KCNIP4: variants seen among roughly 807,000 people sequenced by gnomAD.
KCNIP4 encodes the protein Kv channel-interacting protein 4.
KCNIP4 carries 12 observed loss-of-function variants against 34.0 expected under a neutral mutation model. That is an observed-to-expected ratio of 0.35 (90% CI 0.23 to 0.57). The LOEUF (loss-of-function observed/expected upper bound fraction) is 0.57. Ranked by LOEUF, KCNIP4 falls within the 20% of genes least tolerant of loss-of-function variation. KCNIP4 has a pLI of 0.83. For synonymous variants in KCNIP4, 124 were observed against 102.2 expected, an observed-to-expected ratio of 1.21 and a Z score of -1.29; for missense variants, 238 against 311.7, an observed-to-expected ratio of 0.76 and a Z score of 1.78.
intron 1 of KCNIP4, among the ~76,000 whole-genome samples, chr4:21,218,016 T>C (rs903466198): frequency 6.6e-6 from 1 of 150,502 alleles, no homozygotes; most frequent in Admixed American, 6.6e-5. Context: ...TTTATTTATT[T>C]ATTATTATTA....
intron 1 of KCNIP4, among the ~76,000 whole-genome samples, chr4:21,790,973 A>G (rs1027038600): frequency 9.9e-6 from 1 of 100,894 alleles, no homozygotes; most frequent in Non-Finnish European, 1.8e-5. Context: ...ACTCCACAAA[A>G]AAAAAAAAAA....
At chr4:21,038,757 G>A (rs28621552) in intron 1 of KCNIP4, among the ~76,000 whole-genome samples, 1 of 152,150 alleles carries the variant, frequency 6.6e-6, no homozygotes, top group African/African-American at 2.4e-5. Context: ...AAATATCTAC[G>A]TTATGAGGAA....
At chr4:21,225,002 A>G (rs540798871) in intron 1 of KCNIP4, among the ~76,000 whole-genome samples, 1 of 152,332 alleles carries the variant, frequency 6.6e-6, no homozygotes, top group Non-Finnish European at 1.5e-5. Flanking sequence ...CTTGTGTTAC[A>G]TCATCTTGCT....
At chr4:20,732,318 C>T (rs998600150) in intron 7 of KCNIP4, among the ~76,000 whole-genome samples, 1 of 152,140 alleles carries the variant, frequency 6.6e-6, no homozygotes, top group Non-Finnish European at 1.5e-5. Context: ...AAAATCCCAC[C>T]TTCTAGATGT....
intron 5 of KCNIP4, among the ~76,000 whole-genome samples, chr4:20,743,317 T>C (rs1422154001): frequency 6.6e-6 from 1 of 152,092 alleles, no homozygotes; most frequent in Non-Finnish European, 1.5e-5. Context: ...GCCAAGTCAA[T>C]CCTAAGCCAA....
At chr4:20,979,591 G>T (rs374894901) in intron 1 of KCNIP4, among the ~76,000 whole-genome samples, 80 of 151,894 alleles carry the variant, frequency 5.3e-4, no homozygotes, top group African/African-American at 1.9e-3. Context: ...GTAGAGACAG[G>T]GTTTCACCGT....
intron 1 of KCNIP4, among the ~76,000 whole-genome samples, chr4:20,936,344 G>T (rs1265527321): frequency 1.3e-5 from 2 of 151,646 alleles, no homozygotes; most frequent in Non-Finnish European, 2.9e-5. Flanking sequence ...TAGAAAACGG[G>T]TTCATTTATT....
chr4:20,935,151 C>CT (rs1293195093), intron 1 of KCNIP4, among the ~76,000 whole-genome samples: 1 of 152,096 alleles, frequency 6.6e-6, no homozygotes, highest in Non-Finnish European at 1.5e-5. Flanking sequence ...TAAAGAGACT[C>CT]TATTTCCAAA....
intron 1 of KCNIP4, among the ~76,000 whole-genome samples, chr4:21,172,139 T>C (rs1754063297): frequency 6.6e-6 from 1 of 152,128 alleles, no homozygotes; most frequent in Admixed American, 6.5e-5. Context: ...GCAATTCTCC[T>C]GCCTCAGCCT....
intron 3 of KCNIP4, among the ~76,000 whole-genome samples, chr4:20,799,651 G>A (rs755516577): frequency 9.2e-5 from 14 of 152,158 alleles, no homozygotes; most frequent in Non-Finnish European, 1.5e-4. Context: ...TGCCATTCCT[G>A]AGTACTTGCT....
intron 1 of KCNIP4, among the ~76,000 whole-genome samples, chr4:21,720,568 C>T (rs1714751882): frequency 7.0e-6 from 1 of 143,372 alleles, no homozygotes; most frequent in African/African-American, 2.7e-5. Context: ...TTCTAGGGTA[C>T]ATGTGCACAA....
chr4:21,324,294 G>C (rs1223339797), intron 1 of KCNIP4, among the ~76,000 whole-genome samples: 1 of 151,876 alleles, frequency 6.6e-6, no homozygotes, highest in African/African-American at 2.4e-5. Flanking sequence ...GCCTGTGTTT[G>C]TGGTATATTC....
chr4:21,122,609 G>A (rs926826686), intron 1 of KCNIP4, among the ~76,000 whole-genome samples: 12 of 152,192 alleles, frequency 7.9e-5, no homozygotes, highest in African/African-American at 2.9e-4. Context: ...TTTGATATAT[G>A]TTGTTCCACA....
At chr4:21,484,622 G>A (rs1731756485) in intron 1 of KCNIP4, among the ~76,000 whole-genome samples, 1 of 152,078 alleles carries the variant, frequency 6.6e-6, no homozygotes, top group African/African-American at 2.4e-5. Context: ...CATTCCCGCA[G>A]CCTTTGATGC....
chr4:21,809,255 A>G (rs887555598), intron 1 of KCNIP4, among the ~76,000 whole-genome samples: 2 of 152,154 alleles, frequency 1.3e-5, no homozygotes, highest in South Asian at 2.1e-4. Context: ...TTCACTTTCT[A>G]TCTTGAGCTG....
chr4:21,779,020 G>C (rs919743027), intron 1 of KCNIP4, among the ~76,000 whole-genome samples: 7 of 151,974 alleles, frequency 4.6e-5, no homozygotes, highest in Non-Finnish European at 8.8e-5. Context: ...ATGAGAGAGA[G>C]AGAGAGAGAG....
intron 1 of KCNIP4, among the ~76,000 whole-genome samples, chr4:21,633,057 A>C (rs1560578343): frequency 6.6e-6 from 1 of 152,164 alleles, no homozygotes; most frequent in Non-Finnish European, 1.5e-5. Flanking sequence ...AATCTTTTTC[A>C]TAATTATTTG....
At chr4:21,329,277 C>T (rs1368805720) in intron 1 of KCNIP4, among the ~76,000 whole-genome samples, 1 of 152,068 alleles carries the variant, frequency 6.6e-6, no homozygotes, top group Non-Finnish European at 1.5e-5. Context: ...TATATACTTC[C>T]AAGAGGATAC....
At chr4:21,884,013 G>A (rs559871111) in intron 1 of KCNIP4, among the ~76,000 whole-genome samples, 42 of 152,186 alleles carry the variant, frequency 2.8e-4, no homozygotes, top group African/African-American at 8.9e-4. Context: ...GAACTCAAAC[G>A]TAAGGTAATC....
Sources: gnomAD v4.1 joint callset for allele counts (sites outside exome capture counted in the v4.1 genomes callset) on GRCh38, gnomAD v4.1.1 for gene constraint, MANE v1.5 for transcripts, NCBI Gene and HGNC (gene_info 2026-07-23, HGNC 2026-07-21) for gene names.